Variants in NCOA1 observed in about 807,000 individuals in gnomAD.
NCOA1 encodes Hin-2 protein.
A neutral mutation model predicts 150.9 loss-of-function variants in NCOA1; 35 were observed. The ratio of observed to expected loss-of-function variants is 0.23; its 90% CI spans 0.18 to 0.31. The LOEUF (loss-of-function observed/expected upper bound fraction) is 0.31, where lower values mean the gene tolerates loss of function less well. Among genes scored for constraint, NCOA1 ranks in the 10% least tolerant of loss-of-function variants. The pLI, the probability that NCOA1 is intolerant of heterozygous loss-of-function variation, is 1.00. For missense variants in NCOA1, 1,491 were observed against 1,749.3 expected (o/e 0.85, Z 2.63); for synonymous variants, 590 against 630.0 (o/e 0.94, Z 0.95).
At chr2:24,589,629 T>TGG (rs760060424) in intron 3 of NCOA1, among the ~76,000 whole-genome samples, 1 of 70,778 alleles carries the variant, frequency 1.4e-5, no homozygotes, top group African/African-American at 5.3e-5. Context: ...AAGAGGTTGG[T>TGG]GGTGTGTGTG....
intron 1 of NCOA1, among the ~76,000 whole-genome samples, chr2:24,498,158 A>G (rs1032528919): frequency 6.6e-6 from 1 of 152,232 alleles, no homozygotes; most frequent in Admixed American, 6.5e-5. Context: ...AGAAACAAAA[A>G]GTTATTTGTT....
chr2:24,669,209 A>G (rs1671576070), intron 6 of NCOA1, among the ~76,000 whole-genome samples: 2 of 152,252 alleles, frequency 1.3e-5, no homozygotes, highest in African/African-American at 4.8e-5. Flanking sequence ...CTAGGTTAGT[A>G]TAACAACACA....
intron 22 of NCOA1, among the ~76,000 whole-genome samples, chr2:24,765,246 G>A (rs1391098033): frequency 6.6e-6 from 1 of 151,986 alleles, no homozygotes; most frequent in Admixed American, 6.5e-5. Context: ...GCTCACGCCT[G>A]TAATCCCAAT....
chr2:24,668,706 AAGGAGACCC>A (rs1671543661), intron 6 of NCOA1, among the ~76,000 whole-genome samples: 1 of 152,146 alleles, frequency 6.6e-6, no homozygotes, highest in African/African-American at 2.4e-5. Context: ...AGAAAGGTAA[AAGGAGACCC>A]AGGATTACAG....
At chr2:24,669,178 T>C (rs1247535406) in intron 6 of NCOA1, among the ~76,000 whole-genome samples, 18 of 152,168 alleles carry the variant, frequency 1.2e-4, no homozygotes. Flanking sequence ...CTAAGAAATA[T>C]AAAGCATATT....
rs78830764 is a variant in NCOA1, at chr2:24,646,200, A to G, written c.-18+2078A>G. Among the ~76,000 whole-genome samples, 441 of 152,198 alleles carry G rather than the reference A, an allele frequency of 2.9e-3. 19 individuals are homozygous for G. The East Asian group carries it at 0.075, about 26-fold the overall frequency. On this transcript the variant is annotated intron_variant, in intron 4 of 22. Transcript: ENST00000348332. ...CAAAATTGCTAGACTGAACACCTGC[A>G]TGCCCATTGCCCAGTTTCACCAATT...
At chr2:24,524,537 C>T (rs144905620) in intron 1 of NCOA1, among the ~76,000 whole-genome samples, 2,125 of 152,250 alleles carry the variant, frequency 0.014, 50 homozygotes, top group African/African-American at 0.049. Flanking sequence ...TTAAGTGATC[C>T]TCATGCCTCG....
At chr2:24,495,103 G>T (rs5021670) in intron 1 of NCOA1, among the ~76,000 whole-genome samples, 79,463 of 117,182 alleles carry the variant, frequency 0.68, 25,164 homozygotes, top group East Asian at 0.8. Flanking sequence ...TTTTTTTTTT[G>T]TTTTTTTTTT....
At chr2:24,556,476 A>G (rs1395484870) in intron 1 of NCOA1, among the ~76,000 whole-genome samples, 1 of 152,216 alleles carries the variant, frequency 6.6e-6, no homozygotes, top group Non-Finnish European at 1.5e-5. Flanking sequence ...TTATGGTAGA[A>G]TGATTTATAT....
rs1665229239 is a variant in NCOA1 at position 24,769,633 on chromosome 2, A to G, written c.*1242A>G. ...ATTGACTTTGGGAATTTGAATTTTCATCAGTGCAAATATAAATTTCTCTAT... is the reference window on the plus strand; with the variant it reads ...ATTGACTTTGGGAATTTGAATTTTCGTCAGTGCAAATATAAATTTCTCTAT... On this transcript the variant is annotated 3_prime_UTR_variant, in exon 23 of 23. Transcript: ENST00000348332. The G allele has an allele frequency of 4.8e-6, 1 of 207,874 alleles. No homozygotes were observed. The highest frequency in any genetic ancestry group is 9.8e-6 in the Non-Finnish European group (1 of 101,782). 12.9% of individuals were successfully genotyped at this position (207,874 alleles called of 1,614,324 possible). A position where few individuals can be genotyped will look rare whatever the true frequency, so the allele number is the denominator to read the frequency against.
intron 1 of NCOA1, among the ~76,000 whole-genome samples, chr2:24,530,359 G>T (rs1664831829): frequency 6.6e-6 from 1 of 152,138 alleles, no homozygotes; most frequent in African/African-American, 2.4e-5. Context: ...GCTAATCACA[G>T]GTATTTTATT....
rs531718548 is a variant in NCOA1 at position 24,644,345 on chromosome 2, G to GA, written c.-18+224dup. 2.0e-4 allele frequency among the ~76,000 whole-genome samples: 31 copies of GA among 152,260 alleles called. No individual in the cohort carries two copies. In the South Asian group the frequency reaches 6.0e-3, roughly 30 times the overall value. On this transcript the variant is annotated intron_variant, in intron 4 of 22. Transcript: ENST00000348332. The stretch of plus-strand genomic sequence containing the variant: ...AGTGTATGTCGAAATCACTTATGAT[G>GA]AGACCCTCAAAGTCCTTACTGAATT...
At chr2:24,700,588 C>T (rs978509859) in intron 11 of NCOA1, among the ~76,000 whole-genome samples, 7 of 152,148 alleles carry the variant, frequency 4.6e-5, no homozygotes, top group Non-Finnish European at 8.8e-5. Context: ...ATTAAAGCCA[C>T]GGTTTTACAT....
At chr2:24,662,785 A>ATT (rs746278666) in intron 5 of NCOA1, among the ~76,000 whole-genome samples, 20 of 142,790 alleles carry the variant, frequency 1.4e-4, no homozygotes, top group African/African-American at 4.6e-4. Flanking sequence ...GGGCCTGTGC[A>ATT]TTTTTTTTTT....
rs758996103 is a variant in NCOA1 at position 24,691,626 on chromosome 2, G to C, written c.678G>C (p.Val226=). ...QRYEVMQCFT[V]SQPKSIQEDG... ...ATGAAGTAATGCAGTGTTTCACTGTGTCACAGCCAAAATCAATTCAAGAGG... is the reference window on the plus strand; with the variant it reads ...ATGAAGTAATGCAGTGTTTCACTGTCTCACAGCCAAAATCAATTCAAGAGG... The change falls in exon 9 of 23, where the codon GTG becomes GTC. Residue 226 remains valine (V), a synonymous_variant. Coordinates refer to ENST00000348332, the MANE Select transcript of NCOA1 (RefSeq NM_003743.5). 2 of 1,613,892 alleles carry C rather than the reference G, an allele frequency of 1.2e-6. No individual in the cohort carries two copies. Among genetic ancestry groups the C allele is most frequent in the African/African-American group, 1.3e-5 (1 of 74,916 alleles).
intron 22 of NCOA1, among the ~76,000 whole-genome samples, chr2:24,765,929 G>A (rs1232948071): frequency 7.9e-6 from 1 of 126,854 alleles, no homozygotes; most frequent in South Asian, 2.4e-4. Context: ...ACGGAGTCTT[G>A]CTTTGTCGTT....
At chr2:24,673,593 TTATTA>T in intron 7 of NCOA1, 130 bp downstream of exon 7, 1 of 537,718 alleles carries the variant, frequency 1.9e-6, no homozygotes, top group Non-Finnish European at 3.2e-6. Context: ...TATAATTATT[TTATTA>T]TGAGAACTAT....
Position 24,683,107 on chromosome 2 carries a change from A to G in NCOA1, c.511A>G (p.Asn171Asp). 1 of 1,574,068 alleles carries G rather than the reference A, an allele frequency of 6.4e-7. No individual in the cohort carries two copies. The highest frequency in any genetic ancestry group is 8.6e-7 in the Non-Finnish European group (1 of 1,166,156). ...GGGGGATCATGCAGAATTTGTGAAG[A>G]ATCTGCTACCAAAATCACTAGGTAA... Reference protein sequence around the residue: ...HVGDHAEFVKNLLPKSLVNGV... With the variant: ...HVGDHAEFVKDLLPKSLVNGV... The change falls in exon 8 of 23, where the codon AAT becomes GAT. Residue 171 changes from asparagine to aspartate, a missense_variant. By Grantham distance (23) the Asn-to-Asp change is conservative. Coordinates refer to ENST00000348332, the MANE Select transcript of NCOA1 (RefSeq NM_003743.5).
intron 1 of NCOA1, among the ~76,000 whole-genome samples, chr2:24,563,062 T>A (rs1418694038): frequency 6.6e-6 from 1 of 152,142 alleles, no homozygotes; most frequent in African/African-American, 2.4e-5. Context: ...TTTAGCCCAG[T>A]GGTTGAAAGA....
Sources: allele counts gnomAD v4.1 joint callset (sites outside exome capture counted in the v4.1 genomes callset), GRCh38; gene constraint gnomAD v4.1.1; transcripts MANE v1.5; gene names NCBI Gene and HGNC (gene_info 2026-07-23, HGNC 2026-07-21).